Variants in EDIL3 observed in about 807,000 individuals in gnomAD.
EDIL3 encodes EGF like and discoidin domains 3.
In EDIL3, 37 loss-of-function variants were observed where a neutral mutation model predicts 67.4. The observed-to-expected ratio is 0.55, with a 90% CI of 0.42 to 0.72. The LOEUF is 0.72. EDIL3 is among the 30% of genes least tolerant of loss of function. The pLI, the probability that EDIL3 is intolerant of heterozygous loss-of-function variation, is 0.00. For synonymous variants in EDIL3, 195 were observed against 196.3 expected (o/e 0.99, Z 0.05); for missense variants, 527 against 586.3 (o/e 0.90, Z 1.04).
Position 84,350,945 on chromosome 5 carries a change from T to C in EDIL3, c.67+33363A>G, listed in dbSNP as rs141990248. Among the ~76,000 whole-genome samples, 270 of 152,254 alleles carry C rather than the reference T, an allele frequency of 1.8e-3. 7 individuals are homozygous for C. In the East Asian group the frequency reaches 0.049, roughly 27 times the overall value. On this transcript the variant is annotated intron_variant, in intron 1 of 10. Coordinates refer to ENST00000296591, the MANE Select transcript of EDIL3 (RefSeq NM_005711.5). ...AATATGTAAATTAATGATATATTTTTCTTCTTTGGTACTGAGTCTTTGGGA... is the reference window on the plus strand; with the variant it reads ...AATATGTAAATTAATGATATATTTTCCTTCTTTGGTACTGAGTCTTTGGGA...
chr5:84,297,824 C>T (rs555103340), intron 1 of EDIL3, among the ~76,000 whole-genome samples: 3 of 152,200 alleles, frequency 2.0e-5, no homozygotes, highest in Admixed American at 6.5e-5. Flanking sequence ...AAGATACAGT[C>T]GATCCTGGGA....
chr5:84,037,067 TG>T (rs746322138), intron 9 of EDIL3, among the ~76,000 whole-genome samples: 18 of 152,122 alleles, frequency 1.2e-4, no homozygotes, highest in Non-Finnish European at 1.9e-4. Flanking sequence ...AGGATGAGAC[TG>T]ACTGAAAAGC....
intron 1 of EDIL3, among the ~76,000 whole-genome samples, chr5:84,370,432 A>G (rs2665124): frequency 0.011 from 1,603 of 152,194 alleles, 34 homozygotes; most frequent in African/African-American, 0.037. Context: ...GAGGAAAGTT[A>G]TTGCTGCTGG....
intron 1 of EDIL3, among the ~76,000 whole-genome samples, chr5:84,319,030 C>T (rs931925543): frequency 6.6e-6 from 1 of 152,146 alleles, no homozygotes; most frequent in Non-Finnish European, 1.5e-5. Context: ...GACATTTATG[C>T]AGCCAACAGA....
chr5:84,379,109 C>G (rs561606625), intron 1 of EDIL3, among the ~76,000 whole-genome samples: 1 of 152,058 alleles, frequency 6.6e-6, no homozygotes, highest in South Asian at 2.1e-4. Flanking sequence ...AAGAATGCCA[C>G]TGGAAACCGA....
chr5:84,042,907 A>C (rs1352557705), intron 9 of EDIL3, among the ~76,000 whole-genome samples: 1 of 152,200 alleles, frequency 6.6e-6, no homozygotes. Context: ...AGTTTAATGT[A>C]TGTCAGAACC....
chr5:84,360,101 T>C (rs576807734), intron 1 of EDIL3, among the ~76,000 whole-genome samples: 1 of 152,174 alleles, frequency 6.6e-6, no homozygotes, highest in Non-Finnish European at 1.5e-5. Flanking sequence ...AAACTACTAC[T>C]ACCACACTGA....
chr5:84,339,602 T>TAA (rs1554043163), intron 1 of EDIL3, among the ~76,000 whole-genome samples: 1 of 151,374 alleles, frequency 6.6e-6, no homozygotes, highest in Non-Finnish European at 1.5e-5. Flanking sequence ...TTTAAAATAC[T>TAA]GTGTTTTTTT....
intron 3 of EDIL3, among the ~76,000 whole-genome samples, chr5:84,208,390 A>G (rs62362979): frequency 0.012 from 1,762 of 152,284 alleles, 13 homozygotes; most frequent in Non-Finnish European, 0.019. Context: ...TTAAAAAGTC[A>G]GGAAACAGGC....
chr5:84,010,800 C>A (rs2193957), intron 9 of EDIL3, among the ~76,000 whole-genome samples: 55,125 of 151,960 alleles, frequency 0.36, 10,096 homozygotes, highest in East Asian at 0.46. Context: ...GCAGTTCACA[C>A]GTATGTTCAA....
At chr5:84,135,717 T>C (rs770337023) in intron 5 of EDIL3, among the ~76,000 whole-genome samples, 25 of 152,190 alleles carry the variant, frequency 1.6e-4, no homozygotes, top group African/African-American at 3.9e-4. Flanking sequence ...GTTGGCTGTA[T>C]GGTCAACCTA....
chr5:84,130,321 C>T (rs151326885), intron 5 of EDIL3, among the ~76,000 whole-genome samples: 61 of 152,128 alleles, frequency 4.0e-4, no homozygotes, highest in Admixed American at 2.0e-3. Flanking sequence ...ATTGTTGTCC[C>T]GGCTTTAGAG....
chr5:84,330,679 C>T (rs983959443), intron 1 of EDIL3, among the ~76,000 whole-genome samples: 2 of 152,152 alleles, frequency 1.3e-5, no homozygotes, highest in African/African-American at 4.8e-5. Flanking sequence ...TGCAGTTCTG[C>T]TTATCTTTTA....
At position 84,053,243 on chromosome 5, in the gene EDIL3, A is replaced by T. The variant is rs183168458; in HGVS notation, c.1137+7057T>A. Among the ~76,000 whole-genome samples, 1,140 of 152,340 alleles carry T rather than the reference A, an allele frequency of 7.5e-3. 7 individuals are homozygous for T. Among genetic ancestry groups the T allele is most frequent in the Middle Eastern group, 0.024 (7 of 294 alleles). ...TAACGAAATGAAGGCAGAAATAAAGATGTTCTTTGAAACCAATGAGAACAA... is the reference window on the plus strand; with the variant it reads ...TAACGAAATGAAGGCAGAAATAAAGTTGTTCTTTGAAACCAATGAGAACAA... On this transcript the variant is annotated intron_variant, in intron 9 of 10. Coordinates refer to ENST00000296591, the MANE Select transcript of EDIL3 (RefSeq NM_005711.5).
chr5:84,264,258 C>G (rs1469293140), intron 1 of EDIL3, among the ~76,000 whole-genome samples: 3 of 152,134 alleles, frequency 2.0e-5, no homozygotes, highest in Admixed American at 6.6e-5. Flanking sequence ...AACAAACAAA[C>G]AAATAAATTG....
Position 83,941,387 on chromosome 5 carries a change from C to T in EDIL3, c.*2032G>A, listed in dbSNP as rs565360820. On this transcript the variant is annotated 3_prime_UTR_variant, in exon 11 of 11. Transcript: ENST00000296591. ...GGTATCAATAGAAAAAATTACAAAA[C>T]ATCATATGAAGCTATAAATAATTTT... The T allele has an allele frequency of 6.6e-6, 1 of 151,968 alleles. No homozygotes were observed. The highest frequency in any genetic ancestry group is 6.6e-5 in the Admixed American group (1 of 15,248). 9.4% of individuals were successfully genotyped at this position (151,968 alleles called of 1,614,324 possible).
intron 1 of EDIL3, among the ~76,000 whole-genome samples, chr5:84,354,766 A>G (rs1476138767): frequency 6.6e-6 from 1 of 152,170 alleles, no homozygotes; most frequent in African/African-American, 2.4e-5. Context: ...AGATCTATGT[A>G]CTATAAAATT....
intron 1 of EDIL3, among the ~76,000 whole-genome samples, chr5:84,359,927 A>G (rs746296074): frequency 9.2e-5 from 14 of 152,192 alleles, no homozygotes; most frequent in Non-Finnish European, 1.9e-4. Flanking sequence ...TAGAATTCTC[A>G]TGTCTCTTTT....
In EDIL3 at chr5:84,137,269, G is replaced by T; in HGVS notation, c.441C>A (p.Gly147=). The T allele has an allele frequency of 6.2e-7, 1 of 1,611,684 alleles. No individual in the cohort carries two copies. The highest frequency in any genetic ancestry group is 8.5e-7 in the Non-Finnish European group (1 of 1,179,484). Residue 147 remains glycine, a synonymous_variant, in exon 5 of 11, where the codon GGC becomes GGA. Coordinates refer to ENST00000296591, the MANE Select transcript of EDIL3 (RefSeq NM_005711.5). ...ATTGACAATTTCTTCCCATAAATTC[G>T]CCTGGGCACTCACAGGAATAGTTAG... ...LVANYSCECP[G]EFMGRNCQYK...
Sources: allele counts gnomAD v4.1 joint callset (sites outside exome capture counted in the v4.1 genomes callset), GRCh38; gene constraint gnomAD v4.1.1; transcripts MANE v1.5; gene names NCBI Gene and HGNC (gene_info 2026-07-23, HGNC 2026-07-21).